ADGRL2: variants seen among roughly 807,000 people sequenced by gnomAD.
ADGRL2 encodes the protein calcium-independent alpha-latrotoxin receptor 2.
Under a neutral mutation model 157.4 loss-of-function variants are expected in ADGRL2, and 44 were observed. That is an observed-to-expected ratio of 0.28 (90% CI 0.22 to 0.36). The LOEUF (loss-of-function observed/expected upper bound fraction) is 0.36. Ranked by LOEUF, ADGRL2 falls within the 10% of genes least tolerant of loss-of-function variation. The pLI is 1.00. For synonymous variants in ADGRL2, 585 were observed against 624.7 expected (o/e 0.94, Z 0.95); for missense variants, 1,510 against 1,768.9 (o/e 0.85, Z 2.63).
intron 3 of ADGRL2, among the ~76,000 whole-genome samples, chr1:81,669,921 T>C (rs965765659): frequency 3.9e-5 from 5 of 129,468 alleles, no homozygotes; most frequent in African/African-American, 6.1e-5. Flanking sequence ...CCAGCCTGGG[T>C]GACAGAGTGA....
Position 81,742,735 on chromosome 1 carries a change from A to C in ADGRL2, c.-142-19076A>C, listed in dbSNP as rs552399907. Among the ~76,000 whole-genome samples, 6 of 152,164 alleles carry C rather than the reference A, an allele frequency of 3.9e-5. No homozygotes were observed. In the East Asian group the frequency reaches 1.2e-3, roughly 29 times the overall value. On this transcript the variant is annotated intron_variant, in intron 1 of 20. Coordinates refer to the ADGRL2 transcript ENST00000359929. ...AAGTTTATGATATGAATGAATGCATAACTGAATGAATGTCTCTATGTTTGC... is the reference window on the plus strand; with the variant it reads ...AAGTTTATGATATGAATGAATGCATCACTGAATGAATGTCTCTATGTTTGC...
intron 3 of ADGRL2, among the ~76,000 whole-genome samples, chr1:81,656,368 A>G (rs1000395439): frequency 2.6e-5 from 4 of 152,236 alleles, no homozygotes; most frequent in African/African-American, 4.8e-5. Flanking sequence ...GTCATGAGTG[A>G]TAGAAGTAGA....
chr1:81,726,572 A>G (rs1193852125), intron 1 of ADGRL2, among the ~76,000 whole-genome samples: 2 of 152,178 alleles, frequency 1.3e-5, no homozygotes, highest in African/African-American at 2.4e-5. Flanking sequence ...CTTATATTAC[A>G]TGGATTGAGG....
At chr1:81,463,992 A>G (rs1208098292) in intron 2 of ADGRL2, among the ~76,000 whole-genome samples, 1 of 152,040 alleles carries the variant, frequency 6.6e-6, no homozygotes, top group African/African-American at 2.4e-5. Context: ...TTTAAACACA[A>G]GCAAACAAAA....
At chr1:81,530,628 C>T (rs535831908) in intron 2 of ADGRL2, among the ~76,000 whole-genome samples, 6 of 152,142 alleles carry the variant, frequency 3.9e-5, no homozygotes, top group East Asian at 1.9e-4. Context: ...AGATTACAGG[C>T]GTGAGCCACC....
chr1:81,894,216 A>G (rs1460154297), intron 2 of ADGRL2, among the ~76,000 whole-genome samples: 2 of 152,198 alleles, frequency 1.3e-5, no homozygotes, highest in Admixed American at 6.5e-5. Context: ...GGACACAGAT[A>G]CATAATGAAT....
intron 3 of ADGRL2, among the ~76,000 whole-genome samples, chr1:81,674,194 C>T (rs1443876543): frequency 6.6e-6 from 1 of 152,044 alleles, no homozygotes; most frequent in Non-Finnish European, 1.5e-5. Context: ...TGCCTTGAAA[C>T]ATAAACAAAA....
intron 3 of ADGRL2, among the ~76,000 whole-genome samples, chr1:81,661,864 G>T (rs2082657511): frequency 6.6e-6 from 1 of 152,060 alleles, no homozygotes; most frequent in Non-Finnish European, 1.5e-5. Flanking sequence ...CCTCCCTAAT[G>T]CTGCACCCCC....
chr1:81,933,968 C>T (rs1186400165), intron 3 of ADGRL2, among the ~76,000 whole-genome samples: 2 of 152,014 alleles, frequency 1.3e-5, no homozygotes, highest in South Asian at 2.1e-4. Context: ...CTTCTGATAT[C>T]TCTGTGTATA....
chr1:81,939,114 TAAG>T (rs2095351523), intron 4 of ADGRL2, among the ~76,000 whole-genome samples: 1 of 151,608 alleles, frequency 6.6e-6, no homozygotes, highest in African/African-American at 2.4e-5. Context: ...TAAAGCAATT[TAAG>T]AAGGTTTTCA....
At chr1:81,952,843 T>TCAGTGCAGACTCAGACTC in intron 9 of ADGRL2, 144 bp from the exon 10 acceptor site, 1 of 588,162 alleles carries the variant, frequency 1.7e-6, no homozygotes, top group East Asian at 2.7e-5. Flanking sequence ...GTTTTGGTAG[T>TCAGTGCAGACTCAGACTC]CAGTGCAGAC....
At chr1:81,463,233 C>T (rs1458358994) in intron 2 of ADGRL2, among the ~76,000 whole-genome samples, 1 of 151,530 alleles carries the variant, frequency 6.6e-6, no homozygotes, top group Non-Finnish European at 1.5e-5. Context: ...TGGTGTCAGA[C>T]AGATGTGGGT....
chr1:81,726,260 C>T (rs1194251272), intron 1 of ADGRL2, among the ~76,000 whole-genome samples: 2 of 152,150 alleles, frequency 1.3e-5, no homozygotes, highest in East Asian at 3.9e-4. Context: ...CTCTTACCTA[C>T]CTGAATTGGG....
In ADGRL2 at chr1:81,943,861, C is replaced by A; in HGVS notation, c.1210+92C>A. 1 of 970,622 alleles carries A rather than the reference C, an allele frequency of 1.0e-6. No homozygotes were observed. Among genetic ancestry groups the A allele is most frequent in the Non-Finnish European group, 1.5e-6 (1 of 649,324 alleles). 60.1% of individuals were successfully genotyped at this position (970,622 alleles called of 1,614,324 possible). On this transcript the variant is annotated intron_variant, in intron 6 of 23. Transcript: ENST00000686636. This position sits in a 1 kb window ranked among gnomAD's most constrained non-coding sequence, Gnocchi z 5.6. ...TTAATTTTTTTTTCCTATTTTCTTC[C>A]CCTTTTCATAGTTAAAGGACAAAGG...
At chr1:81,879,883 C>G (rs141932851) in intron 2 of ADGRL2, among the ~76,000 whole-genome samples, 3 of 151,936 alleles carry the variant, frequency 2.0e-5, no homozygotes, top group African/African-American at 4.8e-5. Flanking sequence ...AAAAATTAGC[C>G]GGGCTTGTTG....
At chr1:81,615,909 G>T (rs12040558) in intron 3 of ADGRL2, among the ~76,000 whole-genome samples, 54,574 of 151,906 alleles carry the variant, frequency 0.36, 9,983 homozygotes, top group Admixed American at 0.41. Flanking sequence ...ATCTCAGAGG[G>T]TGATTCTATT....
intron 1 of ADGRL2, among the ~76,000 whole-genome samples, chr1:81,316,130 C>CAAAAAAAAAA (rs1169587245): frequency 9.3e-6 from 1 of 107,826 alleles, no homozygotes; most frequent in Non-Finnish European, 1.9e-5. Flanking sequence ...ACCAAAAAAA[C>CAAAAAAAAAA]AAAAAAAAAA....
intron 1 of ADGRL2, among the ~76,000 whole-genome samples, chr1:81,813,447 T>G (rs1380335329): frequency 1.3e-5 from 2 of 151,750 alleles, no homozygotes; most frequent in African/African-American, 4.8e-5. Context: ...AATAATCCTC[T>G]AAGTAAGGAA....
At chr1:81,614,412 C>A (rs985616711) in intron 3 of ADGRL2, among the ~76,000 whole-genome samples, 1 of 152,168 alleles carries the variant, frequency 6.6e-6, no homozygotes, top group African/African-American at 2.4e-5. Context: ...GGTATAGTAA[C>A]TGGGGACTGT....
Sources: allele counts gnomAD v4.1 joint callset (sites outside exome capture counted in the v4.1 genomes callset), GRCh38; gene constraint gnomAD v4.1.1; non-coding constraint Gnocchi (gnomAD v3.1); transcripts MANE v1.5; gene names NCBI Gene and HGNC (gene_info 2026-07-23, HGNC 2026-07-21).